Variants in OPCML observed in about 807,000 individuals in gnomAD.
The protein encoded by OPCML is opioid binding protein/cell adhesion molecule like.
OPCML carries 13 observed loss-of-function variants against 37.8 expected under a neutral mutation model. The ratio of observed to expected loss-of-function variants is 0.34; its 90% CI spans 0.22 to 0.55. The LOEUF (loss-of-function observed/expected upper bound fraction) is 0.55. Ranked by LOEUF, OPCML falls within the 20% of genes least tolerant of loss-of-function variation. The pLI is 0.91. For synonymous variants in OPCML, 176 were observed against 168.8 expected (o/e 1.04, Z -0.33); for missense variants, 341 against 435.6 (o/e 0.78, Z 1.93).
At chr11:132,748,793 G>A (rs1424913276) in intron 2 of OPCML, among the ~76,000 whole-genome samples, 2 of 152,174 alleles carry the variant, frequency 1.3e-5, no homozygotes, top group African/African-American at 2.4e-5. Flanking sequence ...TGTGCTGGAG[G>A]GGATGTGAGT....
At chr11:133,161,322 G>C (rs1240757354) in intron 1 of OPCML, among the ~76,000 whole-genome samples, 2 of 152,206 alleles carry the variant, frequency 1.3e-5, no homozygotes, top group Non-Finnish European at 2.9e-5. Flanking sequence ...TTGGAATTTG[G>C]AGGGAGAGAG....
chr11:132,631,780 A>C (rs907372737), intron 3 of OPCML, among the ~76,000 whole-genome samples: 6 of 152,136 alleles, frequency 3.9e-5, no homozygotes, highest in Admixed American at 2.6e-4. Context: ...AAGTCAATAG[A>C]TTAACAATAT....
At chr11:133,128,475 C>T (rs928421214) in intron 1 of OPCML, among the ~76,000 whole-genome samples, 34 of 152,296 alleles carry the variant, frequency 2.2e-4, no homozygotes, top group Middle Eastern at 6.8e-3. Flanking sequence ...TTCTGTACCA[C>T]TCCCTGAGCC....
At chr11:132,742,522 A>C (rs998307883) in intron 2 of OPCML, among the ~76,000 whole-genome samples, 3 of 151,922 alleles carry the variant, frequency 2.0e-5, no homozygotes, top group Non-Finnish European at 4.4e-5. Flanking sequence ...GACACCAGAT[A>C]TGCTGGCACC....
intron 3 of OPCML, among the ~76,000 whole-genome samples, chr11:132,578,942 A>G (rs2096456596): frequency 6.6e-6 from 1 of 152,144 alleles, no homozygotes; most frequent in African/African-American, 2.4e-5. Context: ...TGAATCAACA[A>G]GCCTCCCACA....
At chr11:132,929,620 A>C (rs1945127006) in intron 2 of OPCML, among the ~76,000 whole-genome samples, 1 of 152,194 alleles carries the variant, frequency 6.6e-6, no homozygotes. Flanking sequence ...CAACAAAACC[A>C]ATACTAGTCT....
At chr11:133,402,620 G>A (rs1343868695) in intron 1 of OPCML, among the ~76,000 whole-genome samples, 1 of 152,120 alleles carries the variant, frequency 6.6e-6, no homozygotes, top group Non-Finnish European at 1.5e-5. Flanking sequence ...CTTTCCTGGA[G>A]TTATAAAAGT....
chr11:133,371,261 A>G (rs1944668094), intron 1 of OPCML, among the ~76,000 whole-genome samples: 1 of 152,214 alleles, frequency 6.6e-6, no homozygotes, highest in Non-Finnish European at 1.5e-5. Context: ...GATTTCTTGA[A>G]AAATTAAAAA....
intron 1 of OPCML, among the ~76,000 whole-genome samples, chr11:133,315,186 TG>T (rs1326970389): frequency 3.3e-5 from 5 of 152,198 alleles, no homozygotes; most frequent in African/African-American, 1.2e-4. Context: ...AGAAAAGCCA[TG>T]TATCTACTTT....
intron 1 of OPCML, among the ~76,000 whole-genome samples, chr11:133,166,426 G>A (rs1027505020): frequency 6.6e-6 from 1 of 152,254 alleles, no homozygotes; most frequent in Admixed American, 6.5e-5. Flanking sequence ...TACAGCTCCT[G>A]ATGGCAGAGC....
intron 2 of OPCML, among the ~76,000 whole-genome samples, chr11:132,677,150 T>C (rs1341279587): frequency 6.6e-6 from 1 of 152,030 alleles, no homozygotes; most frequent in Non-Finnish European, 1.5e-5. Flanking sequence ...ACCATTGATA[T>C]TAGCACTCCC....
intron 2 of OPCML, among the ~76,000 whole-genome samples, chr11:132,730,136 C>A (rs908514063): frequency 6.6e-6 from 1 of 151,280 alleles, no homozygotes; most frequent in Non-Finnish European, 1.5e-5. Context: ...CCTCAGCCTC[C>A]CGAGTAGCTG....
chr11:133,392,116 CTGAG>C (rs1945185663), intron 1 of OPCML, among the ~76,000 whole-genome samples: 2 of 152,154 alleles, frequency 1.3e-5, no homozygotes, highest in Non-Finnish European at 2.9e-5. Flanking sequence ...TTAATGCTTA[CTGAG>C]TGTTTACCAT....
intron 2 of OPCML, among the ~76,000 whole-genome samples, chr11:132,852,865 G>C (rs1941876061): frequency 2.7e-5 from 4 of 149,668 alleles, no homozygotes; most frequent in Admixed American, 2.7e-4. Context: ...TGGCAAATTT[G>C]AACTGAGATC....
intron 2 of OPCML, among the ~76,000 whole-genome samples, chr11:132,799,135 C>G (rs1467228077): frequency 6.6e-6 from 1 of 152,144 alleles, no homozygotes; most frequent in Non-Finnish European, 1.5e-5. Flanking sequence ...AGTTTTGAAG[C>G]CAGGCATTGA....
chr11:133,443,579 A>C (rs1946407582), intron 1 of OPCML, among the ~76,000 whole-genome samples: 1 of 152,250 alleles, frequency 6.6e-6, no homozygotes, highest in African/African-American at 2.4e-5. Flanking sequence ...CCCATTGTAC[A>C]TTAGTAACCA....
intron 1 of OPCML, among the ~76,000 whole-genome samples, chr11:132,982,349 A>G (rs1003167824): frequency 2.0e-5 from 3 of 152,000 alleles, no homozygotes; most frequent in Non-Finnish European, 1.5e-5. Flanking sequence ...CTTAACGCTT[A>G]TACTGCAGTT....
chr11:133,013,141 G>T (rs544254455), intron 1 of OPCML, among the ~76,000 whole-genome samples: 2 of 152,108 alleles, frequency 1.3e-5, no homozygotes, highest in Non-Finnish European at 1.5e-5. Context: ...CCATTTTTCC[G>T]GTGGAGCCCA....
chr11:132,944,666 C>A (rs571016255), intron 1 of OPCML, among the ~76,000 whole-genome samples: 1 of 152,332 alleles, frequency 6.6e-6, no homozygotes, highest in South Asian at 2.1e-4. Context: ...GAAGCGGCGC[C>A]GCAGTGGTGC....
Sources: allele counts gnomAD v4.1 joint callset (sites outside exome capture counted in the v4.1 genomes callset), GRCh38; gene constraint gnomAD v4.1.1; transcripts MANE v1.5; gene names NCBI Gene and HGNC (gene_info 2026-07-23, HGNC 2026-07-21).